SHLD1: variants seen among roughly 807,000 people sequenced by gnomAD.
SHLD1 encodes the protein RINN1-REV7-interacting novel NHEJ regulator 3.
Under a neutral mutation model 5.5 loss-of-function variants are expected in SHLD1, and 3 were observed. The observed-to-expected ratio is 0.54, with a 90% CI of 0.25 to 1.40. The LOEUF (loss-of-function observed/expected upper bound fraction) is 1.40, where lower values mean the gene tolerates loss of function less well. SHLD1 is among the 40% of genes most tolerant of loss of function. The pLI, the probability that SHLD1 is intolerant of heterozygous loss-of-function variation, is 0.15. For missense variants in SHLD1, 210 were observed against 244.4 expected (o/e 0.86, Z 0.94); for synonymous variants, 92 against 94.3 (o/e 0.98, Z 0.14).
At chr20:5,829,601 T>C (rs909144499) in intron 2 of SHLD1, among the ~76,000 whole-genome samples, 19 of 152,230 alleles carry the variant, frequency 1.2e-4, no homozygotes, top group Admixed American at 1.2e-3. Flanking sequence ...AACAGGTTTT[T>C]ACGGATGCAT....
chr20:5,778,218 G>A (rs1290848368), intron 2 of SHLD1, among the ~76,000 whole-genome samples: 8 of 147,564 alleles, frequency 5.4e-5, no homozygotes, highest in East Asian at 2.0e-4. Flanking sequence ...CTGGGTTCAC[G>A]CCATTCTCCT....
intron 2 of SHLD1, among the ~76,000 whole-genome samples, chr20:5,856,917 A>T (rs992631786): frequency 2.0e-5 from 3 of 152,156 alleles, no homozygotes; most frequent in African/African-American, 7.2e-5. Context: ...ACTAAATCTT[A>T]TGTTCCCATT....
At chr20:5,837,205 A>G (rs1180425455) in intron 2 of SHLD1, among the ~76,000 whole-genome samples, 1 of 152,146 alleles carries the variant, frequency 6.6e-6, no homozygotes. Flanking sequence ...TAAAATTAGG[A>G]TACAGTTGAC....
At chr20:5,856,317 G>C (rs1459321691) in intron 2 of SHLD1, among the ~76,000 whole-genome samples, 1 of 152,222 alleles carries the variant, frequency 6.6e-6, no homozygotes, top group Non-Finnish European at 1.5e-5. Flanking sequence ...ATTTATGAAG[G>C]AGGCAGTGAA....
At chr20:5,778,449 A>T (rs1416892751) in intron 2 of SHLD1, among the ~76,000 whole-genome samples, 1 of 151,880 alleles carries the variant, frequency 6.6e-6, no homozygotes, top group Non-Finnish European at 1.5e-5. Flanking sequence ...CTAAAAAAAA[A>T]TTTAAAAATT....
intron 2 of SHLD1, among the ~76,000 whole-genome samples, chr20:5,801,879 A>G (rs368044383): frequency 1.3e-5 from 2 of 152,108 alleles, no homozygotes; most frequent in African/African-American, 2.4e-5. Flanking sequence ...TTAATGTGCT[A>G]TGGAAGTTAC....
intron 1 of SHLD1, among the ~76,000 whole-genome samples, chr20:5,753,906 C>T (rs1199921128): frequency 1.3e-5 from 2 of 152,174 alleles, no homozygotes; most frequent in Non-Finnish European, 2.9e-5. Flanking sequence ...GAGAGCTTTT[C>T]TCTTTTGCCT....
At chr20:5,800,035 G>C (rs138169431) in intron 2 of SHLD1, among the ~76,000 whole-genome samples, 4 of 151,884 alleles carry the variant, frequency 2.6e-5, no homozygotes, top group Non-Finnish European at 5.9e-5. Flanking sequence ...TGTCCTTCAG[G>C]GGGTATTTGG....
At chr20:5,858,098 CA>C (rs11300827) in intron 2 of SHLD1, among the ~76,000 whole-genome samples, 57,909 of 111,302 alleles carry the variant, frequency 0.52, 13,290 homozygotes, top group African/African-American at 0.68. Flanking sequence ...GACTCCATCT[CA>C]AAAAAAAAAA....
chr20:5,863,325 A>G lies in SHLD1; in HGVS notation c.480A>G (p.Leu160=), dbSNP rs1213542175. The change falls in exon 3 of 3, where the codon TTA becomes TTG. Residue 160 remains leucine (L), a synonymous_variant. Coordinates refer to ENST00000303142, the MANE Select transcript of SHLD1 (RefSeq NM_152504.4). ...VIFNRDGCSV[L]QRHSRDTHFY... Reference sequence around the variant, plus strand: ...TCAACCGGGACGGCTGCTCCGTCTTACAGAGGCATTCCAGGGACACCCACT... The same window carrying G: ...TCAACCGGGACGGCTGCTCCGTCTTGCAGAGGCATTCCAGGGACACCCACT... The G allele has an allele frequency of 6.2e-7, 1 of 1,614,118 alleles. No individual in the cohort carries two copies. The highest frequency in any genetic ancestry group is 8.5e-7 in the Non-Finnish European group (1 of 1,180,046).
At chr20:5,839,087 G>A (rs992978184) in intron 2 of SHLD1, among the ~76,000 whole-genome samples, 1 of 152,190 alleles carries the variant, frequency 6.6e-6, no homozygotes, top group Non-Finnish European at 1.5e-5. Flanking sequence ...GTAGATGCAT[G>A]TGATATTAAA....
intron 2 of SHLD1, among the ~76,000 whole-genome samples, chr20:5,819,462 T>C (rs558780058): frequency 1.3e-5 from 2 of 152,360 alleles, no homozygotes; most frequent in African/African-American, 4.8e-5. Flanking sequence ...ACTCAATGAA[T>C]GCTTACTGAT....
intron 2 of SHLD1, among the ~76,000 whole-genome samples, chr20:5,791,958 C>T (rs1001133575): frequency 6.6e-6 from 1 of 152,128 alleles, no homozygotes; most frequent in African/African-American, 2.4e-5. Context: ...TGATTGGTAA[C>T]GTTGAACATA....
intron 2 of SHLD1, among the ~76,000 whole-genome samples, chr20:5,801,114 A>C (rs411311): frequency 5.4e-5 from 8 of 148,958 alleles, no homozygotes; most frequent in African/African-American, 2.0e-4. Context: ...TTTCTCTCTT[A>C]TCACCCAGGC....
chr20:5,756,673 TTTTC>T (rs201476554), intron 1 of SHLD1: 37,570 of 150,078 alleles, frequency 0.25, 5,109 homozygotes, highest in Non-Finnish European at 0.32. Context: ...AGGATTTTCA[TTTTC>T]TTTCTTTCTT....
At chr20:5,859,897 T>C (rs2088137813) in intron 2 of SHLD1, among the ~76,000 whole-genome samples, 1 of 152,216 alleles carries the variant, frequency 6.6e-6, no homozygotes, top group Admixed American at 6.5e-5. Context: ...GATTTCAAAA[T>C]TTTTAAATTA....
intron 2 of SHLD1, among the ~76,000 whole-genome samples, chr20:5,801,071 C>CTTTTTTTTTTTTTTTTTTTTTT (rs67798135): frequency 2.5e-5 from 3 of 121,940 alleles, no homozygotes; most frequent in African/African-American, 2.9e-5. Context: ...CAGCCACCAT[C>CTTTTTTTTTTTTTTTTTTTTTT]TTTTTTTTTT....
chr20:5,807,265 A>T (rs1180311220), intron 2 of SHLD1, among the ~76,000 whole-genome samples: 1 of 152,178 alleles, frequency 6.6e-6, no homozygotes, highest in African/African-American at 2.4e-5. Context: ...CCAGTTTTCA[A>T]AGCAGTTTCA....
chr20:5,862,698 T>C (rs1049757039), intron 2 of SHLD1, among the ~76,000 whole-genome samples: 1 of 152,242 alleles, frequency 6.6e-6, no homozygotes, highest in African/African-American at 2.4e-5. Context: ...GAGGAAATGC[T>C]TAATTTCAGG....
Sources: gnomAD v4.1 joint callset for allele counts (sites outside exome capture counted in the v4.1 genomes callset) on GRCh38, gnomAD v4.1.1 for gene constraint, MANE v1.5 for transcripts, NCBI Gene and HGNC (gene_info 2026-07-23, HGNC 2026-07-21) for gene names.